ZNF341: variants seen among roughly 807,000 people sequenced by gnomAD.
ZNF341 encodes zinc finger protein 341.
In ZNF341, 52 loss-of-function variants were observed where a neutral mutation model predicts 87.7. The ratio of observed to expected loss-of-function variants is 0.59; its 90% confidence interval spans 0.47 to 0.75. The LOEUF is 0.75. ZNF341 is among the 30% of genes least tolerant of loss of function. The pLI, the probability that ZNF341 is intolerant of heterozygous loss-of-function variation, is 0.00. For synonymous variants in ZNF341, 459 were observed against 472.7 expected, an observed-to-expected ratio of 0.97 and a Z score of 0.38; for missense variants, 977 against 1,145.9, an observed-to-expected ratio of 0.85 and a Z score of 2.13.
At chr20:33,744,789 G>A (rs1454078642) in intron 2 of ZNF341, among the ~76,000 whole-genome samples, 1 of 151,908 alleles carries the variant, frequency 6.6e-6, no homozygotes, top group Admixed American at 6.6e-5. Flanking sequence ...ATGGGGTTTC[G>A]CCATGTTGTC....
At chr20:33,786,160 C>T (rs374305340) in intron 12 of ZNF341, among the ~76,000 whole-genome samples, 1 of 151,524 alleles carries the variant, frequency 6.6e-6, no homozygotes, top group East Asian at 1.9e-4. Context: ...TGCACCATCA[C>T]GCCCAGCTAA....
chr20:33,762,104 C>A, intron 8 of ZNF341, 49 bp downstream of exon 8: 1 of 1,479,182 alleles, frequency 6.8e-7, no homozygotes, highest in Non-Finnish European at 9.1e-7. Flanking sequence ...TCTTCTGCCG[C>A]TTCACAGGTT....
intron 4 of ZNF341, among the ~76,000 whole-genome samples, chr20:33,750,126 A>C (rs2122656190): frequency 6.6e-6 from 1 of 152,308 alleles, no homozygotes; most frequent in East Asian, 1.9e-4. Flanking sequence ...GGATTTAAAA[A>C]AAAAATTTTT....
chr20:33,790,926 G>T (rs2747565), intron 14 of ZNF341, 62 bp from the exon 15 acceptor site: 3 of 1,536,346 alleles, frequency 2.0e-6, no homozygotes, highest in Middle Eastern at 1.8e-4. Flanking sequence ...TATTCCCAGC[G>T]CAGGGCACTG....
chr20:33,781,988 T>C (rs1349536174), intron 11 of ZNF341, among the ~76,000 whole-genome samples: 1 of 152,094 alleles, frequency 6.6e-6, no homozygotes, highest in East Asian at 1.9e-4. Context: ...CCTAAATTTT[T>C]TGTAGAGATA....
At position 33,732,197 on chromosome 20, in the gene ZNF341, G is replaced by T. The variant is rs1487350101; in HGVS notation, c.31+145G>T. 1 of 610,354 alleles carries T rather than the reference G, an allele frequency of 1.6e-6. No individual in the cohort carries two copies. The highest frequency in any genetic ancestry group is 1.4e-4 in the East Asian group (1 of 7,098). 37.8% of individuals were successfully genotyped at this position (610,354 alleles called of 1,614,324 possible). On this transcript the variant is annotated intron_variant, in intron 1 of 14. Coordinates refer to ENST00000375200, the MANE Select transcript of ZNF341 (RefSeq NM_001282933.2). The surrounding 1 kb of genome is among the most constrained non-coding windows in gnomAD (Gnocchi z 4.5). ...AACAGCCGCGGGGCGGGAGGGGCGC[G>T]GGCGGGAACAGCGCGGGAGCCGAGG... is the stretch of plus-strand genomic sequence containing the variant.
chr20:33,748,837 T>C (rs2018994414), intron 3 of ZNF341, 86 bp from the exon 4 acceptor site: 3 of 1,352,640 alleles, frequency 2.2e-6, no homozygotes, highest in Non-Finnish European at 3.0e-6. Flanking sequence ...GAGCCTGACA[T>C]GTCCACACAT....
intron 6 of ZNF341, among the ~76,000 whole-genome samples, chr20:33,757,571 C>T (rs964108606): frequency 3.9e-5 from 6 of 152,224 alleles, no homozygotes; most frequent in East Asian, 1.9e-4. Flanking sequence ...CAGGCACCCT[C>T]GTTTCTTCTG....
At chr20:33,733,323 C>A (rs995038918) in intron 1 of ZNF341, among the ~76,000 whole-genome samples, 1 of 151,780 alleles carries the variant, frequency 6.6e-6, no homozygotes, top group Non-Finnish European at 1.5e-5. Flanking sequence ...GGGTTCACGC[C>A]ATTCTTCTGC....
Position 33,783,777 on chromosome 20 carries a change from G to A in ZNF341, c.1765G>A (p.Gly589Ser), listed in dbSNP as rs748630033. The change falls in exon 12 of 15, where the codon GGC becomes AGC. Residue 589 changes from glycine to serine, a missense_variant. Physicochemically the swap from Gly to Ser is moderately conservative, Grantham distance 56. This residue lies in a region of ZNF341 where 241 missense variants were observed against 335.0 expected (regional missense o/e 0.72). Transcript: ENST00000375200. ...RYLRRHLPTHGSGGRFKCQVC... is the reference protein window; with the variant it reads ...RYLRRHLPTHSSGGRFKCQVC... ...CCTGCGGCGTCATCTGCCCACCCACGGCAGCGGGGGCAGGTTCAAGTGCCA... is the reference window on the plus strand; with the variant it reads ...CCTGCGGCGTCATCTGCCCACCCACAGCAGCGGGGGCAGGTTCAAGTGCCA... The A allele has an allele frequency of 5.6e-6, 9 of 1,613,670 alleles. No individual in the cohort carries two copies. The African/African-American group carries it at 6.7e-5, about 12-fold the overall frequency.
rs1019042538 is a variant in ZNF341 at position 33,745,823 on chromosome 20, C to T, written c.339+524C>T. Among the ~76,000 whole-genome samples the T allele has an allele frequency of 2.6e-5, 4 of 151,622 alleles. No individual in the cohort carries two copies. The South Asian group carries it at 6.3e-4, about 24-fold the overall frequency. On this transcript the variant is annotated intron_variant, in intron 3 of 14. Transcript: ENST00000375200. ...GAGGCAGGAGTGTGCTGGGTTTGTT[C>T]CAGAACTATAAGGAGGTGAGAGTGG...
intron 3 of ZNF341, among the ~76,000 whole-genome samples, chr20:33,747,949 C>T (rs949502498): frequency 3.3e-5 from 5 of 151,950 alleles, no homozygotes; most frequent in Non-Finnish European, 5.9e-5. Context: ...CTGTCTTGGC[C>T]TCCCAAAGTG....
chr20:33,786,621 T>A (rs1216907912), intron 12 of ZNF341, among the ~76,000 whole-genome samples: 2 of 152,196 alleles, frequency 1.3e-5, no homozygotes, highest in Non-Finnish European at 2.9e-5. Flanking sequence ...TAATGCATTG[T>A]AAGTTTGATA....
intron 10 of ZNF341, among the ~76,000 whole-genome samples, chr20:33,780,954 C>T (rs2019729553): frequency 6.6e-6 from 1 of 152,158 alleles, no homozygotes; most frequent in Non-Finnish European, 1.5e-5. Context: ...ACAATCCTCT[C>T]ACCTTGGCCT....
Position 33,748,993 on chromosome 20 carries a change from G to A in ZNF341, c.410G>A (p.Ser137Asn). The A allele has an allele frequency of 1.9e-6, 3 of 1,614,222 alleles. No individual in the cohort carries two copies. The highest frequency in any genetic ancestry group is 2.5e-6 in the Non-Finnish European group (3 of 1,180,042). ...QTLVQGNILV[S>N]DDVLMSAMSA... ...CTGGTGCAGGGGAACATCTTGGTGA[G>A]CGATGATGTGCTCATGTCTGCCATG... Residue 137 changes from serine (S) to asparagine (N), a missense_variant, in exon 4 of 15, where the codon AGC (serine) becomes AAC (asparagine). Coordinates refer to ENST00000375200, the MANE Select transcript of ZNF341 (RefSeq NM_001282933.2).
At chr20:33,753,019 C>CT (rs2019094166) in intron 4 of ZNF341, among the ~76,000 whole-genome samples, 153 bp from the exon 5 acceptor site, 1 of 152,214 alleles carries the variant, frequency 6.6e-6, no homozygotes, top group Non-Finnish European at 1.5e-5. Flanking sequence ...TCTCCCATGA[C>CT]TTTGTTTCCC....
chr20:33,772,010 T>TAAAAAAACAAAAA (rs2019542470), intron 10 of ZNF341, among the ~76,000 whole-genome samples: 1 of 56,168 alleles, frequency 1.8e-5, no homozygotes, highest in African/African-American at 7.7e-5. Flanking sequence ...ACGCTTGTCT[T>TAAAAAAACAAAAA]AAAAAAAAAA....
At chr20:33,742,198 C>CGTTTT (rs1461878337) in intron 2 of ZNF341, among the ~76,000 whole-genome samples, 3 of 152,040 alleles carry the variant, frequency 2.0e-5, no homozygotes, top group African/African-American at 7.2e-5. Flanking sequence ...CATACCCTTT[C>CGTTTT]GTTTTGTTTT....
At chr20:33,759,158 G>C (rs950243744) in intron 7 of ZNF341, among the ~76,000 whole-genome samples, 1 of 152,226 alleles carries the variant, frequency 6.6e-6, no homozygotes, top group Admixed American at 6.5e-5. Context: ...TCTGCAAATA[G>C]GACTCTGTGA....
Sources: gnomAD v4.1 joint callset for allele counts (sites outside exome capture counted in the v4.1 genomes callset) on GRCh38, gnomAD v4.1.1 for gene constraint, gnomAD v4.1.1 regional missense constraint, Gnocchi (gnomAD v3.1) non-coding constraint, MANE v1.5 for transcripts, NCBI Gene and HGNC (gene_info 2026-07-23, HGNC 2026-07-21) for gene names.